Variants in CELF2 observed in about 807,000 individuals in gnomAD.
The protein encoded by CELF2 is CUG triplet repeat RNA-binding protein 2.
Under a neutral mutation model 62.6 loss-of-function variants are expected in CELF2, and 8 were observed. That is an observed-to-expected ratio of 0.13 (90% CI 0.07 to 0.23). CELF2 has a LOEUF of 0.23. CELF2 is among the 10% of genes least tolerant of loss of function. The pLI is 1.00. For missense variants in CELF2, 333 were observed against 671.0 expected (o/e 0.50, Z 5.56); for synonymous variants, 258 against 250.0 (o/e 1.03, Z -0.30).
the CELF2 span, among the ~76,000 whole-genome samples, chr10:10,739,857 C>G: frequency 6.6e-6 from 1 of 152,148 alleles, no homozygotes; most frequent in African/African-American, 2.4e-5. Flanking sequence ...TGTTGAGCAC[C>G]TTTTCGAGAC....
chr10:11,210,367 G>GT (rs1289155913), intron 2 of CELF2, among the ~76,000 whole-genome samples: 2 of 152,332 alleles, frequency 1.3e-5, no homozygotes, highest in East Asian at 3.9e-4. Context: ...CTGGGGCAGA[G>GT]TCCACTTAGG....
chr10:10,622,933 C>T, the CELF2 span, among the ~76,000 whole-genome samples: 12 of 150,610 alleles, frequency 8.0e-5, no homozygotes, highest in Non-Finnish European at 1.8e-4. Flanking sequence ...TACAAAAAAA[C>T]GTAGCCGGGC....
At position 11,125,811 on chromosome 10, in the gene CELF2, C is replaced by G. The variant is rs532598931; in HGVS notation, c.75-39675C>G. 3.9e-5 allele frequency among the ~76,000 whole-genome samples: 6 copies of G among 152,288 alleles called. No individual in the cohort carries two copies. The South Asian group carries it at 1.2e-3, about 32-fold the overall frequency. ...CATTTATACTGTTTGTTTTTGATGT[C>G]TTCCTTGGCAACTTAATTTATATGT... On this transcript the variant is annotated intron_variant, in intron 1 of 12. Transcript: ENST00000633077.
At chr10:11,276,285 TG>T (rs570394687) in intron 8 of CELF2, among the ~76,000 whole-genome samples, 183 of 152,306 alleles carry the variant, frequency 1.2e-3, no homozygotes, top group Admixed American at 2.7e-3. Context: ...TTCCTTGGCC[TG>T]TAGTAAAAAT....
intron 1 of CELF2, among the ~76,000 whole-genome samples, chr10:10,827,497 G>A (rs1033885622): frequency 2.0e-5 from 3 of 152,314 alleles, no homozygotes; most frequent in Admixed American, 1.3e-4. Context: ...AAGACATAGC[G>A]AAACAGGATT....
chr10:11,106,616 C>G (rs2053568327), intron 1 of CELF2, among the ~76,000 whole-genome samples: 1 of 152,214 alleles, frequency 6.6e-6, no homozygotes, highest in Admixed American at 6.5e-5. Context: ...GGGACAAGGA[C>G]CCAGCACCCT....
intron 1 of CELF2, among the ~76,000 whole-genome samples, chr10:11,099,822 C>T (rs976078017): frequency 3.3e-5 from 5 of 149,748 alleles, no homozygotes; most frequent in African/African-American, 9.8e-5. Context: ...ATTTATTATA[C>T]ATTACATAGT....
chr10:10,822,873 T>C (rs1317035980), intron 1 of CELF2, among the ~76,000 whole-genome samples: 1 of 152,220 alleles, frequency 6.6e-6, no homozygotes, highest in African/African-American at 2.4e-5. Context: ...CTGGCCCTAA[T>C]AGCTTACCCA....
At chr10:10,582,717 G>A in the CELF2 span, among the ~76,000 whole-genome samples, 33 of 152,030 alleles carry the variant, frequency 2.2e-4, no homozygotes, top group Non-Finnish European at 4.7e-4. Context: ...TTTATTTCAT[G>A]GTGTTTTTCC....
At chr10:10,757,383 C>G in the CELF2 span, among the ~76,000 whole-genome samples, 2 of 152,164 alleles carry the variant, frequency 1.3e-5, no homozygotes, top group Admixed American at 6.6e-5. Flanking sequence ...CACTTGAGCC[C>G]AGGAGTTAGA....
the CELF2 span, among the ~76,000 whole-genome samples, chr10:10,738,328 T>C: frequency 5.7e-3 from 875 of 152,296 alleles, 3 homozygotes; most frequent in African/African-American, 0.019. Flanking sequence ...TAAAATAGTG[T>C]CTTTAAATGT....
chr10:10,975,675 C>A (rs1431947218), intron 2 of CELF2, among the ~76,000 whole-genome samples: 1 of 152,204 alleles, frequency 6.6e-6, no homozygotes, highest in Non-Finnish European at 1.5e-5. Context: ...TTTTGCCTAG[C>A]TTCTAATGCT....
At chr10:11,060,095 T>C (rs2066368502) in intron 1 of CELF2, among the ~76,000 whole-genome samples, 1 of 152,224 alleles carries the variant, frequency 6.6e-6, no homozygotes, top group Admixed American at 6.5e-5. Flanking sequence ...GACTTCCTTG[T>C]GAATGGAGAT....
chr10:11,294,305 G>T (rs914916753), intron 9 of CELF2, among the ~76,000 whole-genome samples: 1 of 152,152 alleles, frequency 6.6e-6, no homozygotes, highest in African/African-American at 2.4e-5. Context: ...CTAAGTCCAC[G>T]TAGTCTTCCG....
the CELF2 span, among the ~76,000 whole-genome samples, chr10:10,699,144 G>C: frequency 6.6e-6 from 1 of 152,028 alleles, no homozygotes; most frequent in Non-Finnish European, 1.5e-5. Context: ...TAAAACAGTA[G>C]ATGTAAAAGA....
At chr10:10,728,129 G>C in the CELF2 span, among the ~76,000 whole-genome samples, 1 of 150,794 alleles carries the variant, frequency 6.6e-6, no homozygotes, top group Non-Finnish European at 1.5e-5. Context: ...TTTTTTTTCT[G>C]ATAAGTATGG....
chr10:10,638,776 C>T, the CELF2 span, among the ~76,000 whole-genome samples: 2 of 152,128 alleles, frequency 1.3e-5, no homozygotes, highest in East Asian at 1.9e-4. Context: ...TCTTTTTAGA[C>T]CAAATGTATT....
At chr10:10,557,812 C>T in the CELF2 span, among the ~76,000 whole-genome samples, 97 of 142,650 alleles carry the variant, frequency 6.8e-4, no homozygotes, top group Middle Eastern at 3.4e-3. Flanking sequence ...AATGGGAGTT[C>T]GCTCATGATT....
the CELF2 span, among the ~76,000 whole-genome samples, chr10:10,658,301 C>T: frequency 1.3e-5 from 2 of 152,238 alleles, no homozygotes; most frequent in East Asian, 3.9e-4. Context: ...AATATTTGTT[C>T]TGTCTTAAAC....
Sources: allele counts gnomAD v4.1 joint callset (sites outside exome capture counted in the v4.1 genomes callset), GRCh38; gene constraint gnomAD v4.1.1; transcripts MANE v1.5; gene names NCBI Gene and HGNC (gene_info 2026-07-23, HGNC 2026-07-21).